The following MYT1L variants were observed in gnomAD, a reference collection of about 807,000 sequenced individuals.
The protein encoded by MYT1L is myelin transcription factor 1-like protein.
A neutral mutation model predicts 126.7 loss-of-function variants in MYT1L; 12 were observed. The observed-to-expected ratio is 0.09, with a 90% CI of 0.06 to 0.15. The LOEUF (loss-of-function observed/expected upper bound fraction) is 0.15, where lower values mean the gene tolerates loss of function less well. Ranked by LOEUF, MYT1L falls within the 10% of genes least tolerant of loss-of-function variation. The pLI, the probability that MYT1L is intolerant of heterozygous loss-of-function variation, is 1.00. For missense variants in MYT1L, 979 were observed against 1,585.2 expected (o/e 0.62, Z 6.49); for synonymous variants, 541 against 604.2 (o/e 0.90, Z 1.53).
chr2:1,863,111 G>C (rs976903223), intron 18 of MYT1L, among the ~76,000 whole-genome samples: 3 of 152,118 alleles, frequency 2.0e-5, no homozygotes, highest in Non-Finnish European at 2.9e-5. Flanking sequence ...GGTAGCTTTG[G>C]GGCTCAATCC....
chr2:1,833,846 G>T (rs992501257), intron 21 of MYT1L, among the ~76,000 whole-genome samples: 9 of 123,946 alleles, frequency 7.3e-5, no homozygotes, highest in Admixed American at 6.7e-4. Flanking sequence ...TCGGGGAAAG[G>T]AGCCCTCCTG....
intron 3 of MYT1L, among the ~76,000 whole-genome samples, chr2:2,142,579 C>T (rs182651612): frequency 6.6e-6 from 1 of 152,228 alleles, no homozygotes; most frequent in East Asian, 1.9e-4. Flanking sequence ...GCACAGTAAC[C>T]GTTCAGAGGT....
intron 4 of MYT1L, among the ~76,000 whole-genome samples, chr2:2,029,554 CAGGTTGTTACAATTTA>C (rs1272995245): frequency 6.6e-6 from 1 of 152,176 alleles, no homozygotes; most frequent in African/African-American, 2.4e-5. Flanking sequence ...TTGACACTTG[CAGGTTGTTACAATTTA>C]AGGTGAGACT....
intron 19 of MYT1L, chr2:1,842,685 C>T (rs897730108): frequency 4.6e-5 from 7 of 152,536 alleles, no homozygotes; most frequent in African/African-American, 1.7e-4. Context: ...CGTGGGTTGA[C>T]CTCACGTCCA....
At chr2:2,282,463 T>C (rs907031132) in intron 2 of MYT1L, among the ~76,000 whole-genome samples, 2 of 152,240 alleles carry the variant, frequency 1.3e-5, no homozygotes, top group African/African-American at 4.8e-5. Flanking sequence ...TGGTTAGCTG[T>C]GTTTTCAATA....
intron 14 of MYT1L, among the ~76,000 whole-genome samples, chr2:1,899,939 T>G (rs12993248): frequency 0.028 from 4,204 of 152,216 alleles, 84 homozygotes; most frequent in Non-Finnish European, 0.043. Context: ...GAAGTGAAGA[T>G]TTTGTGAGTG....
At chr2:2,104,210 C>G (rs2150509387) in intron 3 of MYT1L, among the ~76,000 whole-genome samples, 1 of 152,242 alleles carries the variant, frequency 6.6e-6, no homozygotes, top group South Asian at 2.1e-4. Context: ...GCTCAAAATG[C>G]ATGAAATAAC....
chr2:1,889,499 G>C lies in MYT1L; in HGVS notation c.2284-22C>G. On this transcript the variant is annotated intron_variant, in intron 15 of 24. Transcript: ENST00000647738. This position sits in a 1 kb window ranked among gnomAD's most constrained non-coding sequence, Gnocchi z 4.1. ...GGTTCTGTCGGTAGAAAGACATAGTGACTGTGCTTGGCCCGGCATCTTGTG... is the reference window on the plus strand; with the variant it reads ...GGTTCTGTCGGTAGAAAGACATAGTCACTGTGCTTGGCCCGGCATCTTGTG... 3 of 1,559,040 alleles carry C rather than the reference G, an allele frequency of 1.9e-6. No homozygotes were observed. The highest frequency in any genetic ancestry group is 2.6e-6 in the Non-Finnish European group (3 of 1,147,340).
intron 18 of MYT1L, among the ~76,000 whole-genome samples, chr2:1,861,907 T>A (rs370577953): frequency 5.7e-5 from 8 of 141,036 alleles, no homozygotes; most frequent in East Asian, 4.5e-4. Context: ...ACAGCCTGTG[T>A]AATCCTGGAT....
intron 4 of MYT1L, among the ~76,000 whole-genome samples, chr2:2,028,978 A>G (rs2065928285): frequency 6.6e-6 from 1 of 152,202 alleles, no homozygotes; most frequent in Non-Finnish European, 1.5e-5. Context: ...TGGTCTCTCT[A>G]AGCCTCGGTA....
At chr2:1,825,912 C>G (rs1251612988) in intron 21 of MYT1L, 1 of 152,214 alleles carries the variant, frequency 6.6e-6, no homozygotes, top group East Asian at 1.9e-4. Context: ...ATAGTCATTG[C>G]CCCCATGATG....
chr2:2,061,892 A>G (rs1037728574), intron 3 of MYT1L, among the ~76,000 whole-genome samples: 4 of 152,262 alleles, frequency 2.6e-5, no homozygotes, highest in South Asian at 2.1e-4. Flanking sequence ...TATGAAAACA[A>G]TGTTCCCCAG....
In MYT1L at chr2:1,931,098, G is replaced by C. The variant is rs543111934; in HGVS notation, c.506-7835C>G. On this transcript the variant is annotated intron_variant, in intron 9 of 24. Transcript: ENST00000647738. ...TGGGAAAATGGCCTGTCATGGCCTCGGGTCCTGCTGAGACAGCAGTTCACC... is the reference window on the plus strand; with the variant it reads ...TGGGAAAATGGCCTGTCATGGCCTCCGGTCCTGCTGAGACAGCAGTTCACC... 5.9e-5 allele frequency among the ~76,000 whole-genome samples: 9 copies of C among 152,242 alleles called. 1 individual carries two copies. The East Asian group carries it at 1.4e-3, about 23-fold the overall frequency.
chr2:2,196,891 C>A (rs80023512), intron 2 of MYT1L, among the ~76,000 whole-genome samples: 1 of 151,890 alleles, frequency 6.6e-6, no homozygotes, highest in East Asian at 1.9e-4. Flanking sequence ...TACACAGGAC[C>A]ATCAATAGTC....
intron 19 of MYT1L, among the ~76,000 whole-genome samples, chr2:1,850,538 T>G (rs2043133562): frequency 6.6e-6 from 1 of 152,166 alleles, no homozygotes; most frequent in South Asian, 2.1e-4. Flanking sequence ...TTCGCCTTTG[T>G]GTGGACGATA....
At chr2:2,077,938 G>A (rs72767365) in intron 3 of MYT1L, among the ~76,000 whole-genome samples, 6,471 of 152,188 alleles carry the variant, frequency 0.043, 211 homozygotes, top group Non-Finnish European at 0.065. Flanking sequence ...TAATGCTTTC[G>A]TTCTTCTATA....
intron 8 of MYT1L, among the ~76,000 whole-genome samples, chr2:1,967,001 T>C (rs1055879580): frequency 2.6e-5 from 4 of 152,194 alleles, no homozygotes; most frequent in Non-Finnish European, 5.9e-5. Flanking sequence ...CAGTAACTTT[T>C]TTTCTTTTTT....
At chr2:1,947,461 G>T (rs1301112564) in intron 8 of MYT1L, among the ~76,000 whole-genome samples, 1 of 152,188 alleles carries the variant, frequency 6.6e-6, no homozygotes, top group Admixed American at 6.5e-5. Flanking sequence ...AGAGGATGGG[G>T]TCTGGGCCGT....
intron 9 of MYT1L, among the ~76,000 whole-genome samples, chr2:1,930,856 A>T (rs1435892957): frequency 6.6e-6 from 1 of 152,170 alleles, no homozygotes; most frequent in Non-Finnish European, 1.5e-5. Context: ...TGCTGTACAG[A>T]TTAGTTTTCA....
Sources: gnomAD v4.1 joint callset for allele counts (sites outside exome capture counted in the v4.1 genomes callset) on GRCh38, gnomAD v4.1.1 for gene constraint, Gnocchi (gnomAD v3.1) non-coding constraint, MANE v1.5 for transcripts, NCBI Gene and HGNC (gene_info 2026-07-23, HGNC 2026-07-21) for gene names.